ATXN7L1: variants seen among roughly 807,000 people sequenced by gnomAD.
ATXN7L1 encodes the protein ataxin-7-like protein 1.
ATXN7L1 carries 15 observed loss-of-function variants against 70.8 expected under a neutral mutation model. That is an observed-to-expected ratio of 0.21 (90% CI 0.14 to 0.33). ATXN7L1 has a LOEUF of 0.33. Among genes scored for constraint, ATXN7L1 ranks in the 10% least tolerant of loss-of-function variants. The probability of loss-of-function intolerance (pLI) is 1.00; values close to 1 mark genes in which losing one functional copy is unlikely to be tolerated. For missense variants in ATXN7L1, 975 were observed against 1,097.1 expected (o/e 0.89, Z 1.57); for synonymous variants, 440 against 445.1 (o/e 0.99, Z 0.14).
At chr7:105,804,925 G>C (rs946286998) in intron 2 of ATXN7L1, among the ~76,000 whole-genome samples, 76 of 152,184 alleles carry the variant, frequency 5.0e-4, no homozygotes, top group Non-Finnish European at 1.0e-4. Flanking sequence ...ACGGCAGCTG[G>C]GAGAAAGGGA....
At chr7:105,624,367 T>G (rs1795361933) in intron 7 of ATXN7L1, 100 bp from the exon 8 acceptor site, 4 of 1,181,338 alleles carry the variant, frequency 3.4e-6, no homozygotes, top group Non-Finnish European at 4.3e-6. Context: ...ACAGCCTGAT[T>G]AAGGCCAGGT....
At chr7:105,670,447 C>T (rs1803368607) in intron 3 of ATXN7L1, among the ~76,000 whole-genome samples, 1 of 152,126 alleles carries the variant, frequency 6.6e-6, no homozygotes, top group Non-Finnish European at 1.5e-5. Context: ...AGAGCACTTT[C>T]CTCTAAATTT....
intron 3 of ATXN7L1, among the ~76,000 whole-genome samples, chr7:105,670,584 C>T (rs1395977404): frequency 1.3e-5 from 2 of 151,988 alleles, no homozygotes; most frequent in Non-Finnish European, 2.9e-5. Context: ...CTATTTTAAA[C>T]TGTTAGGTAA....
intron 11 of ATXN7L1, among the ~76,000 whole-genome samples, chr7:105,608,402 T>C (rs1792871469): frequency 6.6e-6 from 1 of 152,188 alleles, no homozygotes; most frequent in Non-Finnish European, 1.5e-5. Flanking sequence ...AAGGTTTAAA[T>C]GTGTGTAGCG....
chr7:105,649,276 C>T, intron 4 of ATXN7L1: 5 of 802,520 alleles, frequency 6.2e-6, no homozygotes, highest in Non-Finnish European at 7.5e-6. Flanking sequence ...GCCTGTTCCC[C>T]TGCTGTGTCT....
chr7:105,612,835 TA>T (rs1401369388), intron 10 of ATXN7L1, among the ~76,000 whole-genome samples: 1 of 152,222 alleles, frequency 6.6e-6, no homozygotes, highest in Non-Finnish European at 1.5e-5. Flanking sequence ...CATAAAACAT[TA>T]AAACATCTTT....
intron 3 of ATXN7L1, among the ~76,000 whole-genome samples, chr7:105,755,906 C>T (rs1236462631): frequency 6.6e-6 from 1 of 152,142 alleles, no homozygotes; most frequent in African/African-American, 2.4e-5. Context: ...GGTGGAGACA[C>T]AGAACTTTGC....
At chr7:105,612,254 T>G (rs923225084) in intron 10 of ATXN7L1, among the ~76,000 whole-genome samples, 1 of 152,218 alleles carries the variant, frequency 6.6e-6, no homozygotes, top group African/African-American at 2.4e-5. Context: ...CTCCTGTGCC[T>G]TGGTTCACCC....
intron 4 of ATXN7L1, among the ~76,000 whole-genome samples, chr7:105,655,440 G>A (rs575575309): frequency 6.6e-6 from 1 of 152,200 alleles, no homozygotes; most frequent in Admixed American, 6.5e-5. Flanking sequence ...ACTCTGGGGG[G>A]GTGTGTGGGG....
chr7:105,660,653 G>A (rs1195700951), intron 4 of ATXN7L1, among the ~76,000 whole-genome samples: 1 of 142,218 alleles, frequency 7.0e-6, no homozygotes, highest in Non-Finnish European at 1.5e-5. Flanking sequence ...CGCAATGTTG[G>A]CTCACTGCAA....
intron 2 of ATXN7L1, among the ~76,000 whole-genome samples, chr7:105,841,747 T>A (rs1813241533): frequency 6.6e-6 from 1 of 152,214 alleles, no homozygotes; most frequent in African/African-American, 2.4e-5. Context: ...TTATTGTTAA[T>A]CTCTTACTGT....
intron 2 of ATXN7L1, among the ~76,000 whole-genome samples, chr7:105,844,613 T>C (rs537761082): frequency 6.6e-6 from 1 of 152,348 alleles, no homozygotes; most frequent in South Asian, 2.1e-4. Context: ...AGCCCACAGT[T>C]AATATCATAC....
At chr7:105,753,364 G>T (rs1182743639) in intron 3 of ATXN7L1, among the ~76,000 whole-genome samples, 1 of 152,204 alleles carries the variant, frequency 6.6e-6, no homozygotes, top group South Asian at 2.1e-4. Flanking sequence ...GAGAATACAC[G>T]TGATACAGTC....
In ATXN7L1 at chr7:105,842,075, G is replaced by A. The variant is rs73717284; in HGVS notation, c.250+33737C>T. ...TCCCAGACCGTACTCTTCATGCCAC[G>A]TCAAGCCACTCTGGGAAGCACCTAT... On this transcript the variant is annotated intron_variant, in intron 2 of 11. Transcript: ENST00000419735. Among the ~76,000 whole-genome samples, 120 of 152,208 alleles carry A rather than the reference G, an allele frequency of 7.9e-4. 2 individuals are homozygous for A. Among genetic ancestry groups the A allele is most frequent in the African/African-American group, 2.6e-3 (107 of 41,524 alleles).
intron 2 of ATXN7L1, among the ~76,000 whole-genome samples, chr7:105,829,924 C>T (rs2116584112): frequency 6.6e-6 from 1 of 152,320 alleles, no homozygotes; most frequent in African/African-American, 2.4e-5. Flanking sequence ...ACATTCCCTG[C>T]AGGAAAGCTG....
intron 2 of ATXN7L1, among the ~76,000 whole-genome samples, chr7:105,845,602 C>A (rs1813911086): frequency 6.9e-6 from 1 of 145,962 alleles, no homozygotes; most frequent in South Asian, 2.3e-4. Context: ...AAAGCCAAAA[C>A]AATTTTGAAA....
intron 2 of ATXN7L1, among the ~76,000 whole-genome samples, chr7:105,817,761 A>G (rs1809411943): frequency 6.6e-6 from 1 of 152,234 alleles, no homozygotes; most frequent in Non-Finnish European, 1.5e-5. Flanking sequence ...CTAAAAAATA[A>G]GAAATAAAAT....
At position 105,641,623 on chromosome 7, in the gene ATXN7L1, C is replaced by G. The variant is rs555323029; in HGVS notation, c.862+1215G>C. On this transcript the variant is annotated intron_variant, in intron 5 of 11. Coordinates refer to ENST00000419735, the MANE Select transcript of ATXN7L1 (RefSeq NM_020725.2). ...CTCCAGCCACTGTGCCCACGCCTAC[C>G]GGTTTTCTGGGGATGTTGCCACCAC... is the stretch of plus-strand genomic sequence containing the variant. Among the ~76,000 whole-genome samples the G allele has an allele frequency of 2.0e-3, 299 of 152,370 alleles. 3 individuals carry two copies. The highest frequency in any genetic ancestry group is 3.4e-3 in the Middle Eastern group (1 of 294).
intron 3 of ATXN7L1, among the ~76,000 whole-genome samples, chr7:105,759,145 TTTTA>T (rs1326701871): frequency 1.5e-5 from 2 of 136,862 alleles, no homozygotes; most frequent in Non-Finnish European, 3.0e-5. Flanking sequence ...GTGGCCTTTT[TTTTA>T]GTTTATTCTT....
Sources: allele counts gnomAD v4.1 joint callset (sites outside exome capture counted in the v4.1 genomes callset), GRCh38; gene constraint gnomAD v4.1.1; transcripts MANE v1.5; gene names NCBI Gene and HGNC (gene_info 2026-07-23, HGNC 2026-07-21).